TENM2: variants seen among roughly 807,000 people sequenced by gnomAD.
TENM2 encodes the protein teneurin-2.
A neutral mutation model predicts 245.2 loss-of-function variants in TENM2; 52 were observed. The observed-to-expected ratio is 0.21, with a 90% confidence interval of 0.17 to 0.27. TENM2 has a LOEUF of 0.27. TENM2 is among the 10% of genes least tolerant of loss of function. The pLI is 1.00. For missense variants in TENM2, 3,046 were observed against 3,666.8 expected (o/e 0.83, Z 4.37); for synonymous variants, 1,363 against 1,438.9 (o/e 0.95, Z 1.19).
At chr5:167,323,353 A>G (rs1722721101) in intron 1 of TENM2, among the ~76,000 whole-genome samples, 1 of 152,206 alleles carries the variant, frequency 6.6e-6, no homozygotes, top group Non-Finnish European at 1.5e-5. Context: ...GGTTAAGCTG[A>G]AAAATAAAAC....
In TENM2 at chr5:167,770,513, A is replaced by C. The variant is rs193269049; in HGVS notation, c.503-105473A>C. Among the ~76,000 whole-genome samples the C allele has an allele frequency of 1.1e-3, 162 of 152,308 alleles. 1 individual carries two copies. Among genetic ancestry groups the C allele is most frequent in the Admixed American group, 2.3e-3 (35 of 15,294 alleles). On this transcript the variant is annotated intron_variant, in intron 2 of 28. Transcript: ENST00000518659. ...TAGGTACTACTGATATTCGTTTTCC[A>C]ATGTTTAAGCAAAAGTGGTAAACTA...
At chr5:168,104,334 T>C (rs1284123363) in intron 9 of TENM2, among the ~76,000 whole-genome samples, 2 of 152,180 alleles carry the variant, frequency 1.3e-5, no homozygotes, top group Non-Finnish European at 2.9e-5. Context: ...AGGCCTGTCC[T>C]TCTTTCTTGA....
intron 2 of TENM2, among the ~76,000 whole-genome samples, chr5:167,589,925 A>C (rs568668238): frequency 3.3e-5 from 5 of 151,838 alleles, no homozygotes; most frequent in African/African-American, 9.6e-5. Flanking sequence ...ACAAAAGTAA[A>C]ATTATTTTGA....
chr5:167,830,583 G>T (rs530096475), intron 2 of TENM2, among the ~76,000 whole-genome samples: 1 of 152,186 alleles, frequency 6.6e-6, no homozygotes, highest in Non-Finnish European at 1.5e-5. Flanking sequence ...AGAGCAGGAC[G>T]TGGAAACAAA....
intron 2 of TENM2, among the ~76,000 whole-genome samples, chr5:167,468,930 T>G (rs538499604): frequency 6.6e-6 from 1 of 152,314 alleles, no homozygotes; most frequent in Non-Finnish European, 1.5e-5. Flanking sequence ...ATTGAAGGTC[T>G]ACCTTTCCCA....
At chr5:168,126,994 G>A in intron 12 of TENM2, 28 bp downstream of exon 14, 1 of 1,562,584 alleles carries the variant, frequency 6.4e-7, no homozygotes, top group Non-Finnish European at 8.7e-7. Context: ...TTCATAAATT[G>A]TAGATCTATA....
intron 1 of TENM2, among the ~76,000 whole-genome samples, chr5:167,340,226 C>T (rs1332534445): frequency 6.6e-6 from 1 of 152,162 alleles, no homozygotes; most frequent in Non-Finnish European, 1.5e-5. Flanking sequence ...CTATAATGCA[C>T]CTCAAAGTGC....
At chr5:167,874,843 A>T (rs545434406) in intron 2 of TENM2, among the ~76,000 whole-genome samples, 15 of 152,284 alleles carry the variant, frequency 9.9e-5, no homozygotes, top group Admixed American at 8.5e-4. Flanking sequence ...CTTCTGCCGG[A>T]CTGGCTGCTC....
intron 2 of TENM2, among the ~76,000 whole-genome samples, chr5:167,385,546 GT>G (rs1581904972): frequency 1.3e-5 from 2 of 149,696 alleles, no homozygotes; most frequent in East Asian, 3.9e-4. Flanking sequence ...AGAACAGGTG[GT>G]GTTTGGTTAC....
At chr5:167,522,135 T>C (rs1288787872) in intron 2 of TENM2, among the ~76,000 whole-genome samples, 1 of 152,172 alleles carries the variant, frequency 6.6e-6, no homozygotes, top group Non-Finnish European at 1.5e-5. Flanking sequence ...TACTCTTTAA[T>C]GTATTCAACA....
At chr5:167,738,996 G>T (rs947254196) in intron 2 of TENM2, among the ~76,000 whole-genome samples, 4 of 152,206 alleles carry the variant, frequency 2.6e-5, no homozygotes, top group African/African-American at 9.6e-5. Flanking sequence ...ATGAATGATA[G>T]AAACAGAATG....
At chr5:167,562,664 A>G (rs1773668670) in intron 2 of TENM2, among the ~76,000 whole-genome samples, 1 of 152,166 alleles carries the variant, frequency 6.6e-6, no homozygotes, top group Non-Finnish European at 1.5e-5. Context: ...CAACCTTGTG[A>G]TCAGTCAAAT....
At chr5:167,894,093 C>T (rs576332836) in intron 3 of TENM2, among the ~76,000 whole-genome samples, 1 of 152,182 alleles carries the variant, frequency 6.6e-6, no homozygotes, top group Non-Finnish European at 1.5e-5. Flanking sequence ...AATAGACGAT[C>T]AATTCCTTGA....
At chr5:167,731,209 T>TG in intron 2 of TENM2, among the ~76,000 whole-genome samples, 1 of 151,810 alleles carries the variant, frequency 6.6e-6, no homozygotes, top group Non-Finnish European at 1.5e-5. Context: ...AGTTTTTTTT[T>TG]TTTTTTTAGT....
intron 2 of TENM2, among the ~76,000 whole-genome samples, chr5:167,488,781 G>A (rs1768244624): frequency 6.6e-6 from 1 of 151,926 alleles, no homozygotes. Flanking sequence ...TACTTAGTAT[G>A]TCCAGTTGGA....
At chr5:167,806,095 CG>C (rs775274529) in intron 2 of TENM2, among the ~76,000 whole-genome samples, 65 of 152,218 alleles carry the variant, frequency 4.3e-4, no homozygotes, top group Non-Finnish European at 7.1e-4. Flanking sequence ...CCGGATGCCA[CG>C]GTAGGCTGTG....
chr5:167,438,186 C>T (rs1764674029), intron 2 of TENM2, among the ~76,000 whole-genome samples: 1 of 152,164 alleles, frequency 6.6e-6, no homozygotes, highest in African/African-American at 2.4e-5. Context: ...AGTCTATACT[C>T]CATCCAAAAT....
At chr5:168,184,481 C>T (rs2152497540) in intron 13 of TENM2, among the ~76,000 whole-genome samples, 1 of 152,310 alleles carries the variant, frequency 6.6e-6, no homozygotes, top group Admixed American at 6.5e-5. Context: ...GGAGTTCATG[C>T]ACATTGGAGA....
intron 2 of TENM2, among the ~76,000 whole-genome samples, chr5:167,451,654 T>A (rs1765590910): frequency 6.6e-6 from 1 of 152,096 alleles, no homozygotes; most frequent in Admixed American, 6.6e-5. Flanking sequence ...AACTGATTTT[T>A]TTTTTTTTTC....
Sources: allele counts gnomAD v4.1 joint callset (sites outside exome capture counted in the v4.1 genomes callset), GRCh38; gene constraint gnomAD v4.1.1; transcripts MANE v1.5; gene names NCBI Gene and HGNC (gene_info 2026-07-23, HGNC 2026-07-21).